ZNF536: variants seen among roughly 807,000 people sequenced by gnomAD.
ZNF536 encodes the protein zinc finger protein 536.
Under a neutral mutation model 84.5 loss-of-function variants are expected in ZNF536, and 13 were observed. The ratio of observed to expected loss-of-function variants is 0.15; its 90% CI spans 0.10 to 0.24. ZNF536 has a LOEUF of 0.24. Ranked by LOEUF, ZNF536 falls within the 10% of genes least tolerant of loss-of-function variation. ZNF536 has a pLI of 1.00. For synonymous variants in ZNF536, 811 were observed against 742.5 expected, an observed-to-expected ratio of 1.09 and a Z score of -1.50; for missense variants, 1,536 against 1,747.5, an observed-to-expected ratio of 0.88 and a Z score of 2.16.
intron 1 of ZNF536, among the ~76,000 whole-genome samples, chr19:30,590,164 G>T (rs2047226879): frequency 1.3e-5 from 2 of 152,186 alleles, no homozygotes; most frequent in Non-Finnish European, 2.9e-5. Flanking sequence ...TTCTTCATGG[G>T]CTCTGATCTG....
chr19:30,489,410 T>G (rs1301625259), intron 2 of ZNF536, among the ~76,000 whole-genome samples: 1 of 152,010 alleles, frequency 6.6e-6, no homozygotes, highest in Non-Finnish European at 1.5e-5. Flanking sequence ...CAAGACCCCA[T>G]CTCTACAAAA....
chr19:30,428,855 A>G (rs1007416453), intron 1 of ZNF536, among the ~76,000 whole-genome samples: 2 of 152,174 alleles, frequency 1.3e-5, no homozygotes, highest in Non-Finnish European at 2.9e-5. Context: ...AGCAAAGTTC[A>G]ACTGCAGATG....
intron 3 of ZNF536, among the ~76,000 whole-genome samples, chr19:30,359,016 G>A (rs552361857): frequency 5.3e-5 from 8 of 152,282 alleles, no homozygotes; most frequent in East Asian, 1.9e-4. Flanking sequence ...GGGGAAAGCC[G>A]GCCCATCAAA....
intron 1 of ZNF536, among the ~76,000 whole-genome samples, chr19:30,619,573 G>A (rs1178360386): frequency 1.3e-5 from 2 of 152,182 alleles, no homozygotes; most frequent in African/African-American, 2.4e-5. Flanking sequence ...TTCAGGACAG[G>A]AGATCCTGCA....
intron 1 of ZNF536, among the ~76,000 whole-genome samples, chr19:30,621,938 C>CCATTGAA (rs1446865254): frequency 1.3e-5 from 2 of 152,372 alleles, no homozygotes; most frequent in East Asian, 3.9e-4. Flanking sequence ...GTCCCCCAGA[C>CCATTGAA]AGCGTGCAGT....
chr19:30,355,777 C>A (rs1024221039), intron 3 of ZNF536, among the ~76,000 whole-genome samples: 2 of 152,058 alleles, frequency 1.3e-5, no homozygotes, highest in Admixed American at 1.3e-4. Context: ...TTCATAGGAT[C>A]CCAGGCCCTA....
chr19:30,423,564 C>A (rs2051074244), intron 1 of ZNF536, among the ~76,000 whole-genome samples: 1 of 152,220 alleles, frequency 6.6e-6, no homozygotes, highest in Admixed American at 6.5e-5. Flanking sequence ...GGCACTGGGA[C>A]CTGTGGAGTC....
At chr19:30,402,227 T>C (rs1020762119) in intron 1 of ZNF536, among the ~76,000 whole-genome samples, 2 of 152,130 alleles carry the variant, frequency 1.3e-5, no homozygotes, top group Non-Finnish European at 2.9e-5. Flanking sequence ...ACAAACTAAA[T>C]TGAACCCTGT....
intron 1 of ZNF536, among the ~76,000 whole-genome samples, chr19:30,577,119 T>C (rs1391447597): frequency 6.6e-6 from 1 of 152,230 alleles, no homozygotes; most frequent in East Asian, 1.9e-4. Context: ...CGATTATTTA[T>C]TGTGCATGTT....
chr19:30,302,442 C>CT (rs1442245412), intron 2 of ZNF536, among the ~76,000 whole-genome samples: 3 of 152,184 alleles, frequency 2.0e-5, no homozygotes, highest in Admixed American at 6.5e-5. Context: ...GCACAGTGAC[C>CT]TGGGTTGTCA....
chr19:30,478,497 G>C (rs1568470116), intron 2 of ZNF536, among the ~76,000 whole-genome samples: 1 of 152,132 alleles, frequency 6.6e-6, no homozygotes, highest in African/African-American at 2.4e-5. Context: ...GGCTCAGTCA[G>C]GCATGGTCTG....
upstream of ZNF536, among the ~76,000 whole-genome samples, chr19:30,370,429 G>C (rs995430664): frequency 1.3e-5 from 2 of 152,132 alleles, no homozygotes; most frequent in Non-Finnish European, 2.9e-5. Flanking sequence ...TAAACATTTT[G>C]AACTTGAGCC....
intron 1 of ZNF536, among the ~76,000 whole-genome samples, chr19:30,566,038 G>A (rs968921286): frequency 3.3e-5 from 5 of 152,154 alleles, no homozygotes; most frequent in African/African-American, 9.7e-5. Flanking sequence ...AAATATCCCA[G>A]GTCACGCTTG....
chr19:30,654,263 C>T (rs1157919698), intron 1 of ZNF536, among the ~76,000 whole-genome samples: 2 of 152,176 alleles, frequency 1.3e-5, no homozygotes, highest in African/African-American at 4.8e-5. Flanking sequence ...GTGTGACCGC[C>T]CGGCATAGTA....
chr19:30,653,687 C>T (rs1020670431), intron 1 of ZNF536, among the ~76,000 whole-genome samples: 2 of 146,600 alleles, frequency 1.4e-5, no homozygotes, highest in African/African-American at 2.8e-5. Flanking sequence ...AGGTGGGAGC[C>T]GCTCCCTTAG....
chr19:30,347,120 T>TA (rs1555726957), intron 2 of ZNF536, among the ~76,000 whole-genome samples: 1 of 147,362 alleles, frequency 6.8e-6, no homozygotes, highest in Non-Finnish European at 1.5e-5. Context: ...TTTTTTTTTT[T>TA]ATATGATTCT....
intron 1 of ZNF536, among the ~76,000 whole-genome samples, chr19:30,685,803 C>T (rs1470625012): frequency 6.6e-6 from 1 of 152,204 alleles, no homozygotes. Flanking sequence ...CTGTCAGCTC[C>T]ACCACCTGCC....
intron 1 of ZNF536, among the ~76,000 whole-genome samples, chr19:30,432,949 C>G (rs967938590): frequency 6.6e-6 from 1 of 152,242 alleles, no homozygotes; most frequent in African/African-American, 2.4e-5. Flanking sequence ...GGATGAGGCT[C>G]TCCCTGGCAG....
At position 30,329,649 on chromosome 19, in the gene ZNF536, C is replaced by G. The variant is rs149454283; in HGVS notation, c.-119-22719C>G. 2.5e-3 allele frequency among the ~76,000 whole-genome samples: 375 copies of G among 152,272 alleles called. 1 individual carries two copies. The highest frequency in any genetic ancestry group is 8.5e-3 in the African/African-American group (355 of 41,534). ...AGTTCCAGACCTTGGAAAGCCCAGG[C>G]GTGATACAGACAAAAGTTTATCAGG... is the stretch of plus-strand genomic sequence containing the variant. On this transcript the variant is annotated intron_variant, in intron 2 of 5. Transcript: ENST00000585628.
Sources: allele counts gnomAD v4.1 joint callset (sites outside exome capture counted in the v4.1 genomes callset), GRCh38; gene constraint gnomAD v4.1.1; transcripts MANE v1.5; gene names NCBI Gene and HGNC (gene_info 2026-07-23, HGNC 2026-07-21).